The following SND1 variants were observed in gnomAD, a reference collection of about 807,000 sequenced individuals.
SND1 encodes the protein staphylococcal nuclease domain-containing protein 1.
In SND1, 38 loss-of-function variants were observed where a neutral mutation model predicts 121.7. The ratio of observed to expected loss-of-function variants is 0.31; its 90% CI spans 0.24 to 0.41. SND1 has a LOEUF of 0.41. SND1 is among the 10% of genes least tolerant of loss of function. The pLI is 1.00. For missense variants in SND1, 868 were observed against 1,184.6 expected (o/e 0.73, Z 3.92); for synonymous variants, 401 against 447.4 (o/e 0.90, Z 1.31).
chr7:128,008,122 T>C (rs886145262), intron 16 of SND1: 4 of 152,222 alleles, frequency 2.6e-5, no homozygotes, highest in Admixed American at 1.3e-4. Flanking sequence ...GAGTAGGTGA[T>C]GTGATGGAGG....
At chr7:127,909,189 G>A (rs1800405996) in intron 14 of SND1, among the ~76,000 whole-genome samples, 1 of 152,150 alleles carries the variant, frequency 6.6e-6, no homozygotes, top group Non-Finnish European at 1.5e-5. Context: ...TCTTATTTCT[G>A]AAAGTCCCAG....
chr7:128,068,925 G>A (rs1013169980), intron 16 of SND1, among the ~76,000 whole-genome samples: 6 of 152,216 alleles, frequency 3.9e-5, no homozygotes, highest in South Asian at 2.1e-4. Flanking sequence ...AGGAGGACAC[G>A]TCCCACTGTG....
chr7:127,882,338 A>G (rs1475744117), intron 12 of SND1, among the ~76,000 whole-genome samples: 1 of 142,616 alleles, frequency 7.0e-6, no homozygotes. Flanking sequence ...TTGGGGTGTC[A>G]GAGCCCCATA....
At position 127,807,673 on chromosome 7, in the gene SND1, A is replaced by C. The variant is rs1374729710; in HGVS notation, c.1242+100A>C. 1.4e-5 allele frequency: 12 copies of C among 857,104 alleles called. No homozygotes were observed. The East Asian group carries it at 2.7e-4, about 20-fold the overall frequency. The allele number at this position is 857,104 out of a possible 1,614,324, so 53.1% of individuals were successfully genotyped here. A position where few individuals can be genotyped will look rare whatever the true frequency, so the allele number is the denominator to read the frequency against. On this transcript the variant is annotated intron_variant, in intron 11 of 23. Transcript: ENST00000354725. ...GCTGGGCCCTTTACCAGCAGATGAC[A>C]CTTCTCCATCAAGTCAAATGGAATT...
intron 16 of SND1, among the ~76,000 whole-genome samples, chr7:128,001,425 A>T (rs1029186376): frequency 2.0e-5 from 3 of 152,234 alleles, no homozygotes; most frequent in Non-Finnish European, 2.9e-5. Flanking sequence ...ACCGAGGGCA[A>T]TCTCAGTGCC....
At chr7:127,788,274 T>C (rs980148069) in intron 10 of SND1, among the ~76,000 whole-genome samples, 1 of 152,210 alleles carries the variant, frequency 6.6e-6, no homozygotes, top group Non-Finnish European at 1.5e-5. Context: ...TCAGACTCAG[T>C]ACTAGGTGCT....
chr7:127,719,527 C>T (rs1796451222), intron 9 of SND1, among the ~76,000 whole-genome samples: 1 of 152,054 alleles, frequency 6.6e-6, no homozygotes, highest in Non-Finnish European at 1.5e-5. Flanking sequence ...GTTTTTCTGG[C>T]AAGATGAATT....
intron 10 of SND1, among the ~76,000 whole-genome samples, chr7:127,739,021 A>T (rs982615582): frequency 2.0e-5 from 3 of 152,162 alleles, no homozygotes; most frequent in African/African-American, 7.2e-5. Flanking sequence ...TAATTTGTGC[A>T]CAGGTGTGTA....
chr7:127,873,858 T>A (rs562935414), intron 12 of SND1, among the ~76,000 whole-genome samples: 1 of 152,182 alleles, frequency 6.6e-6, no homozygotes, highest in Non-Finnish European at 1.5e-5. Context: ...TAATGTACTG[T>A]TAAGATCCTT....
chr7:127,900,854 A>C (rs1288465629), intron 13 of SND1, among the ~76,000 whole-genome samples: 1 of 151,962 alleles, frequency 6.6e-6, no homozygotes, highest in Admixed American at 6.5e-5. Flanking sequence ...ATCTTGGAGA[A>C]GAAAGCTGCT....
At chr7:127,743,040 C>T (rs1364081000) in intron 10 of SND1, among the ~76,000 whole-genome samples, 1 of 152,124 alleles carries the variant, frequency 6.6e-6, no homozygotes, top group African/African-American at 2.4e-5. Context: ...ACCCCCCACC[C>T]CCATTTTATT....
intron 10 of SND1, among the ~76,000 whole-genome samples, chr7:127,797,534 A>G (rs1798049617): frequency 6.6e-6 from 1 of 152,102 alleles, no homozygotes; most frequent in South Asian, 2.1e-4. Flanking sequence ...GCAGATTTTT[A>G]CTTTCAGAGC....
Position 127,991,134 on chromosome 7 carries a change from C to G in SND1, c.1779+78C>G, listed in dbSNP as rs141216356. The G allele has an allele frequency of 3.8e-5, 38 of 987,160 alleles. No individual in the cohort carries two copies. The East Asian group carries it at 9.5e-4, about 25-fold the overall frequency. 61.2% of individuals were successfully genotyped at this position (987,160 alleles called of 1,614,324 possible). Reference sequence around the variant, plus strand: ...TCCCTTGGTCTGCCATGTCAGAGATCAGTCTGTTGTTTTTTCCACTGCTCA... The same window carrying G: ...TCCCTTGGTCTGCCATGTCAGAGATGAGTCTGTTGTTTTTTCCACTGCTCA... On this transcript the variant is annotated intron_variant, in intron 16 of 23. Transcript: ENST00000354725.
intron 16 of SND1, among the ~76,000 whole-genome samples, chr7:128,039,297 G>A (rs1328215318): frequency 1.3e-5 from 2 of 152,154 alleles, no homozygotes; most frequent in African/African-American, 2.4e-5. Context: ...ATCCCCACAA[G>A]AGCAGAGGCC....
At chr7:127,773,509 G>A (rs1056723816) in intron 10 of SND1, among the ~76,000 whole-genome samples, 6 of 151,930 alleles carry the variant, frequency 3.9e-5, no homozygotes, top group Non-Finnish European at 8.8e-5. Context: ...AATGGTTTGG[G>A]ATGTTTGTTG....
chr7:127,685,770 T>G (rs945758102), intron 1 of SND1, among the ~76,000 whole-genome samples: 9 of 152,222 alleles, frequency 5.9e-5, no homozygotes, highest in African/African-American at 1.9e-4. Flanking sequence ...TTTTCTAGAT[T>G]ACTTCTGTAT....
chr7:127,743,908 C>T (rs966618588), intron 10 of SND1, among the ~76,000 whole-genome samples: 1 of 152,156 alleles, frequency 6.6e-6, no homozygotes, highest in African/African-American at 2.4e-5. Flanking sequence ...CATTCTGCTT[C>T]CCAGGCCTTC....
rs1291482131 is a variant in SND1 at position 128,029,374 on chromosome 7, T to C, written c.1779+38318T>C. The C allele has an allele frequency of 6.2e-7, 1 of 1,614,084 alleles. No homozygotes were observed. The highest frequency in any genetic ancestry group is 8.5e-7 in the Non-Finnish European group (1 of 1,180,044). On this transcript the variant is annotated intron_variant, in intron 16 of 23. Transcript: ENST00000354725. The surrounding 1 kb of genome is among the most constrained non-coding windows in gnomAD (Gnocchi z 4.2). The stretch of plus-strand genomic sequence containing the variant: ...CCTGCAACATTGGTCACCATGCATG[T>C]GTACACCCCAGTGTCTGAAAGCAGC...
intron 11 of SND1, among the ~76,000 whole-genome samples, chr7:127,823,830 C>G (rs1421944981): frequency 2.0e-5 from 3 of 152,012 alleles, no homozygotes; most frequent in Non-Finnish European, 4.4e-5. Flanking sequence ...AGATATTGAT[C>G]AAATTTAGAT....
Sources: allele counts gnomAD v4.1 joint callset (sites outside exome capture counted in the v4.1 genomes callset), GRCh38; gene constraint gnomAD v4.1.1; non-coding constraint Gnocchi (gnomAD v3.1); transcripts MANE v1.5; gene names NCBI Gene and HGNC (gene_info 2026-07-23, HGNC 2026-07-21).